Variants in TTLL2 observed in about 807,000 individuals in gnomAD.
TTLL2 encodes the protein tubulin tyrosine ligase like 2.
Under a neutral mutation model 7.5 loss-of-function variants are expected in TTLL2, and 10 were observed. That is an observed-to-expected ratio of 1.33 (90% CI 0.82 to 2.25). TTLL2 has a LOEUF of 2.25. TTLL2 is among the 30% of genes most tolerant of loss of function. The pLI, the probability that TTLL2 is intolerant of heterozygous loss-of-function variation, is 0.00. For missense variants in TTLL2, 733 were observed against 735.7 expected, an observed-to-expected ratio of 1.00 and a Z score of 0.04; for synonymous variants, 284 against 280.3, an observed-to-expected ratio of 1.01 and a Z score of -0.13.
chr6:167,330,448 C>A (rs1778906877), intron 1 of TTLL2, among the ~76,000 whole-genome samples: 1 of 152,068 alleles, frequency 6.6e-6, no homozygotes, highest in South Asian at 2.1e-4. Context: ...GTAATCCCAA[C>A]TACTTGAGAG....
At position 167,342,185 on chromosome 6, in the gene TTLL2, T is replaced by A. The variant is rs1324411400; in HGVS notation, c.*506T>A. Among the ~76,000 whole-genome samples, 3 of 152,216 alleles carry A rather than the reference T, an allele frequency of 2.0e-5. No individual in the cohort carries two copies. Among genetic ancestry groups the A allele is most frequent in the Non-Finnish European group, 4.4e-5 (3 of 68,040 alleles). ...TGAAAGCCCTAATGACTCTGTTGTT[T>A]ACAAATCCTGGGCTTGAAATCAGAC... is the stretch of plus-strand genomic sequence containing the variant. On this transcript the variant is annotated 3_prime_UTR_variant, in exon 3 of 3. Coordinates refer to ENST00000239587, the MANE Select transcript of TTLL2 (RefSeq NM_031949.5).
rs146802651 is a variant in TTLL2, at chr6:167,338,695, G to A, written c.96G>A (p.Glu32=). ...CCTTTACCCTTAACATTCCATCCGA[G>A]GCAAACCACACTGAGCAGCCGCCTG... ...TPAFTLNIPS[E]ANHTEQPPAG... Residue 32 remains glutamate, a synonymous_variant, in exon 2 of 3, where the codon GAG becomes GAA. Coordinates refer to ENST00000239587, the MANE Select transcript of TTLL2 (RefSeq NM_031949.5). The A allele has an allele frequency of 1.2e-6, 2 of 1,614,004 alleles. No individual in the cohort carries two copies. Among genetic ancestry groups the A allele is most frequent in the African/African-American group, 2.7e-5 (2 of 74,910 alleles).
At chr6:167,340,073 T>C (rs1779049287) in intron 2 of TTLL2, 32 bp from the exon 3 acceptor site, 3 of 1,537,360 alleles carry the variant, frequency 2.0e-6, no homozygotes, top group African/African-American at 1.4e-5. Flanking sequence ...TCTTGACCAC[T>C]CTCCTAACCT....
chr6:167,340,010 C>G (rs1583113254), intron 2 of TTLL2, 95 bp from the exon 3 acceptor site: 2 of 1,402,306 alleles, frequency 1.4e-6, no homozygotes, highest in East Asian at 4.6e-5. Flanking sequence ...ACACACAGGA[C>G]AGCTGGCAGC....
chr6:167,329,871 T>G (rs1348968561), intron 1 of TTLL2, among the ~76,000 whole-genome samples: 1 of 152,192 alleles, frequency 6.6e-6, no homozygotes, highest in East Asian at 1.9e-4. Flanking sequence ...GCACATCTGA[T>G]GTATTATAGG....
At position 167,341,743 on chromosome 6, in the gene TTLL2, G is replaced by A. The variant is rs775899096; in HGVS notation, c.*64G>A. The A allele has an allele frequency of 6.7e-7, 1 of 1,494,346 alleles. No individual in the cohort carries two copies. Among genetic ancestry groups the A allele is most frequent in the Non-Finnish European group, 8.9e-7 (1 of 1,129,050 alleles). The allele number at this position is 1,494,346 out of a possible 1,614,324, so 92.6% of individuals were successfully genotyped here. A position where few individuals can be genotyped will look rare whatever the true frequency, so the allele number is the denominator to read the frequency against. ...TTTAAAAACCAAGGATCCTGTCCTA[G>A]AGAAAGCAATAGTTCAAGTCCCTAC... On this transcript the variant is annotated 3_prime_UTR_variant, in exon 3 of 3. Coordinates refer to ENST00000239587, the MANE Select transcript of TTLL2 (RefSeq NM_031949.5).
Position 167,338,774 on chromosome 6 carries a change from G to T in TTLL2, c.175G>T (p.Gly59Cys). ...EAGVSIPPRR[G>C]RPTPTLEKKK... ...AGGTGTTTCCATCCCTCCCAGGCGA[G>T]GCCGCCCAACACCAACACTGGAGAA... Residue 59 changes from glycine to cysteine, a missense_variant, in exon 2 of 3, where the codon GGC becomes TGC. Physicochemically the swap from Gly to Cys is radical, Grantham distance 159. Coordinates refer to ENST00000239587, the MANE Select transcript of TTLL2 (RefSeq NM_031949.5). 2 of 1,613,114 alleles carry T rather than the reference G, an allele frequency of 1.2e-6. No individual in the cohort carries two copies. The highest frequency in any genetic ancestry group is 1.7e-6 in the Non-Finnish European group (2 of 1,179,390).
Position 167,341,777 on chromosome 6 carries a change from C to T in TTLL2, c.*98C>T, listed in dbSNP as rs1779101719. 3 of 1,310,044 alleles carry T rather than the reference C, an allele frequency of 2.3e-6. No individual in the cohort carries two copies. Among genetic ancestry groups the T allele is most frequent in the African/African-American group, 1.5e-5 (1 of 66,776 alleles). The allele number at this position is 1,310,044 out of a possible 1,614,324, so 81.2% of individuals were successfully genotyped here. ...ATAGTTCAAGTCCCTACCTGTGCCA[C>T]CAGCATGTTAACTATGACATTGGGA... is the stretch of plus-strand genomic sequence containing the variant. On this transcript the variant is annotated 3_prime_UTR_variant, in exon 3 of 3. Transcript: ENST00000239587.
At position 167,341,451 on chromosome 6, in the gene TTLL2, T is replaced by C; in HGVS notation, c.1551T>C (p.Pro517=). The C allele has an allele frequency of 6.2e-7, 1 of 1,613,980 alleles. No individual in the cohort carries two copies. The highest frequency in any genetic ancestry group is 1.1e-5 in the South Asian group (1 of 91,068). ...CCAAGTTACGGAGCAGGCACACGCCTCACAAGACACTCATGCCCTACGCGT... is the reference window on the plus strand; with the variant it reads ...CCAAGTTACGGAGCAGGCACACGCCCCACAAGACACTCATGCCCTACGCGT... ...SKPKLRSRHT[P]HKTLMPYASL... is the part of the protein sequence containing the mutation. The change falls in exon 3 of 3, where the codon CCT becomes CCC. Residue 517 remains proline (P), a synonymous_variant. Coordinates refer to ENST00000239587, the MANE Select transcript of TTLL2 (RefSeq NM_031949.5).
chr6:167,338,877 T>TTC, intron 2 of TTLL2, 74 bp downstream of exon 2: 1 of 1,425,214 alleles, frequency 7.0e-7, no homozygotes, highest in Non-Finnish European at 9.3e-7. Flanking sequence ...CTTTCCTCCT[T>TTC]CTTTTTTCCC....
intron 1 of TTLL2, among the ~76,000 whole-genome samples, chr6:167,333,511 G>A (rs1249966622): frequency 1.8e-5 from 1 of 56,706 alleles, no homozygotes; most frequent in Non-Finnish European, 3.4e-5. Context: ...AGTTTCAGAA[G>A]GAATGGTACC....
Position 167,340,088 on chromosome 6 carries a change from C to A in TTLL2, c.205-17C>A, listed in dbSNP as rs752545566. The A allele has an allele frequency of 6.4e-7, 1 of 1,556,388 alleles. No homozygotes were observed. Among genetic ancestry groups the A allele is most frequent in the South Asian group, 1.3e-5 (1 of 79,264 alleles). On this transcript the variant is annotated splice_polypyrimidine_tract_variant and intron_variant, in intron 2 of 2. Coordinates refer to ENST00000239587, the MANE Select transcript of TTLL2 (RefSeq NM_031949.5). ...TCTTGACCACTCTCCTAACCTTTCT[C>A]AATGATCCATTTTTAGAAAAAACCT...
At chr6:167,325,901 C>A (rs1275205116) in intron 1 of TTLL2, among the ~76,000 whole-genome samples, 28 of 152,156 alleles carry the variant, frequency 1.8e-4, no homozygotes, top group Admixed American at 1.8e-3. Context: ...AAGCACTGGG[C>A]TCCTGTTGTC....
intron 1 of TTLL2, 108 bp downstream of exon 1, chr6:167,325,328 C>T (rs757180584): frequency 8.6e-6 from 10 of 1,158,594 alleles, no homozygotes; most frequent in African/African-American, 8.1e-5. Flanking sequence ...CTAGGAGCAG[C>T]GAGTGTGCAC....
intron 1 of TTLL2, among the ~76,000 whole-genome samples, chr6:167,335,664 C>T (rs1314355675): frequency 1.3e-5 from 2 of 151,668 alleles, no homozygotes; most frequent in East Asian, 1.9e-4. Flanking sequence ...AGTTCATGTC[C>T]TTTGTAGGGA....
intron 1 of TTLL2, among the ~76,000 whole-genome samples, chr6:167,333,878 C>T (rs1224092952): frequency 8.2e-6 from 1 of 121,726 alleles, no homozygotes; most frequent in East Asian, 2.4e-4. Flanking sequence ...TTTTGTTGAT[C>T]CTTTCAAAAA....
chr6:167,341,421 C>T lies in TTLL2; in HGVS notation c.1521C>T (p.Ser507=), dbSNP rs1370360967. 6.2e-7 allele frequency: 1 copy of T among 1,614,004 alleles called. No homozygotes were observed. Among genetic ancestry groups the T allele is most frequent in the Non-Finnish European group, 8.5e-7 (1 of 1,180,026 alleles). The change falls in exon 3 of 3, where the codon AGC becomes AGT. Residue 507 remains serine, a synonymous_variant. Transcript: ENST00000239587. The part of the protein sequence containing the change: ...FHLSTREMPQ[S]KPKLRSRHTP... ...TGTCAACAAGGGAGATGCCACAAAG[C>T]AAGCCCAAGTTACGGAGCAGGCACA...
intron 2 of TTLL2, 146 bp downstream of exon 2, chr6:167,338,949 T>C: frequency 1.2e-6 from 1 of 815,426 alleles, no homozygotes; most frequent in South Asian, 2.4e-5. Context: ...CCTTCCTCCT[T>C]CCTGCTCTCC....
intron 1 of TTLL2, 74 bp downstream of exon 1, chr6:167,325,294 C>A (rs1304054502): frequency 2.8e-6 from 4 of 1,408,554 alleles, no homozygotes; most frequent in Admixed American, 2.6e-5. Context: ...CAGCCCCTTC[C>A]CGAGAGCACA....
Sources: allele counts gnomAD v4.1 joint callset (sites outside exome capture counted in the v4.1 genomes callset), GRCh38; gene constraint gnomAD v4.1.1; transcripts MANE v1.5; gene names NCBI Gene and HGNC (gene_info 2026-07-23, HGNC 2026-07-21).